Variants in MAGI2 observed in about 807,000 individuals in gnomAD.
The protein encoded by MAGI2 is membrane-associated guanylate kinase, WW and PDZ domain-containing protein 2.
A neutral mutation model predicts 133.3 loss-of-function variants in MAGI2; 35 were observed. The ratio of observed to expected loss-of-function variants is 0.26; its 90% CI spans 0.20 to 0.35. The LOEUF is 0.35. MAGI2 is among the 10% of genes least tolerant of loss of function. The pLI, the probability that MAGI2 is intolerant of heterozygous loss-of-function variation, is 1.00. For missense variants in MAGI2, 1,636 were observed against 1,863.4 expected (o/e 0.88, Z 2.25); for synonymous variants, 729 against 710.6 (o/e 1.03, Z -0.41).
At chr7:78,182,160 G>C (rs1827244398) in intron 13 of MAGI2, among the ~76,000 whole-genome samples, 2 of 152,282 alleles carry the variant, frequency 1.3e-5, no homozygotes, top group Non-Finnish European at 1.5e-5. Context: ...CTGCTGGAAA[G>C]AGCATCACTT....
At chr7:79,375,994 A>G (rs1028616861) in intron 1 of MAGI2, among the ~76,000 whole-genome samples, 1 of 151,918 alleles carries the variant, frequency 6.6e-6, no homozygotes, top group Non-Finnish European at 1.5e-5. Context: ...TGATTCTTTT[A>G]TATAGGTTAA....
intron 1 of MAGI2, among the ~76,000 whole-genome samples, chr7:79,112,864 G>T (rs1445739481): frequency 6.6e-6 from 1 of 151,862 alleles, no homozygotes; most frequent in Admixed American, 6.6e-5. Flanking sequence ...ACATTTTTTT[G>T]TCAAAACATT....
chr7:79,224,930 GA>G (rs1563015230), intron 1 of MAGI2, among the ~76,000 whole-genome samples: 2 of 152,140 alleles, frequency 1.3e-5, no homozygotes, highest in South Asian at 4.2e-4. Context: ...TCAAAGAACT[GA>G]ACACCACAAA....
intron 1 of MAGI2, among the ~76,000 whole-genome samples, chr7:79,303,031 G>A (rs1468753374): frequency 1.3e-5 from 2 of 152,124 alleles, no homozygotes; most frequent in African/African-American, 4.8e-5. Context: ...TTTCTTCAGA[G>A]TCCATTAAAT....
intron 10 of MAGI2, among the ~76,000 whole-genome samples, chr7:78,223,873 G>A (rs773042492): frequency 5.3e-5 from 8 of 152,074 alleles, no homozygotes; most frequent in Non-Finnish European, 1.2e-4. Flanking sequence ...CATCATTATT[G>A]TCTATTTTTA....
intron 2 of MAGI2, among the ~76,000 whole-genome samples, chr7:78,874,841 C>T (rs1302250085): frequency 2.0e-5 from 3 of 152,140 alleles, no homozygotes; most frequent in Non-Finnish European, 4.4e-5. Context: ...CTAATTTGAT[C>T]ATTACACATT....
At chr7:79,359,126 A>T (rs2129120085) in intron 1 of MAGI2, among the ~76,000 whole-genome samples, 1 of 152,322 alleles carries the variant, frequency 6.6e-6, no homozygotes, top group East Asian at 1.9e-4. Flanking sequence ...ACAAATGAAA[A>T]CATTAAAAAA....
intron 1 of MAGI2, among the ~76,000 whole-genome samples, chr7:79,426,481 T>C (rs1392246328): frequency 6.6e-6 from 1 of 152,192 alleles, no homozygotes; most frequent in East Asian, 1.9e-4. Context: ...ATAGAAATTA[T>C]GAAATTAAGA....
At chr7:78,271,811 T>C (rs772365311) in intron 9 of MAGI2, among the ~76,000 whole-genome samples, 30 of 152,190 alleles carry the variant, frequency 2.0e-4, no homozygotes, top group Non-Finnish European at 4.4e-4. Context: ...CCCTTTATCA[T>C]TTTTTATTGA....
At chr7:78,313,886 A>C (rs578167016) in intron 9 of MAGI2, among the ~76,000 whole-genome samples, 1 of 152,292 alleles carries the variant, frequency 6.6e-6, no homozygotes, top group South Asian at 2.1e-4. Context: ...AATTATAGGA[A>C]GAAAGTTTTG....
chr7:79,028,377 A>G (rs1238758904), intron 1 of MAGI2, among the ~76,000 whole-genome samples: 1 of 145,814 alleles, frequency 6.9e-6, no homozygotes, highest in Non-Finnish European at 1.5e-5. Context: ...ACACATGCAT[A>G]CGCATCTACA....
intron 1 of MAGI2, among the ~76,000 whole-genome samples, chr7:79,345,926 C>T (rs187174217): frequency 2.3e-4 from 35 of 152,054 alleles, no homozygotes; most frequent in Admixed American, 5.9e-4. Flanking sequence ...TGTGAAGAGG[C>T]GTATTAAATG....
At chr7:79,434,506 T>C (rs1355475454) in intron 1 of MAGI2, among the ~76,000 whole-genome samples, 2 of 152,212 alleles carry the variant, frequency 1.3e-5, no homozygotes, top group African/African-American at 4.8e-5. Context: ...TCGTTATGCC[T>C]GATTTTGGGG....
chr7:79,328,775 TTTC>T (rs71984171), intron 1 of MAGI2, among the ~76,000 whole-genome samples: 7,822 of 152,192 alleles, frequency 0.051, 638 homozygotes, highest in African/African-American at 0.18. Flanking sequence ...ATAGCTTAGT[TTTC>T]TTCTCTCTCT....
At chr7:78,436,174 A>G (rs1800270122) in intron 6 of MAGI2, among the ~76,000 whole-genome samples, 1 of 152,174 alleles carries the variant, frequency 6.6e-6, no homozygotes, top group African/African-American at 2.4e-5. Flanking sequence ...GCATTTGCTT[A>G]ATAGGCCCAC....
intron 4 of MAGI2, among the ~76,000 whole-genome samples, chr7:78,503,591 C>T (rs1176868221): frequency 4.1e-5 from 4 of 97,552 alleles, no homozygotes; most frequent in Non-Finnish European, 6.3e-5. Flanking sequence ...TCCTCCTCCT[C>T]CCCCTCCTCC....
chr7:78,128,569 A>AT (rs769651576), intron 18 of MAGI2, among the ~76,000 whole-genome samples: 242 of 145,228 alleles, frequency 1.7e-3, no homozygotes, highest in Admixed American at 3.2e-3. Context: ...AAGAGTCTGG[A>AT]TTTTTTTTTT....
intron 10 of MAGI2, among the ~76,000 whole-genome samples, chr7:78,229,924 G>T (rs1789789209): frequency 6.6e-6 from 1 of 152,190 alleles, no homozygotes. Flanking sequence ...CCAATATCTA[G>T]TAAACAGGGA....
chr7:79,147,054 A>G (rs1822710905), intron 1 of MAGI2, among the ~76,000 whole-genome samples: 1 of 152,214 alleles, frequency 6.6e-6, no homozygotes, highest in African/African-American at 2.4e-5. Context: ...CAGGTCTAAC[A>G]GTTACTACCC....
Sources: gnomAD v4.1 joint callset for allele counts (sites outside exome capture counted in the v4.1 genomes callset) on GRCh38, gnomAD v4.1.1 for gene constraint, MANE v1.5 for transcripts, NCBI Gene and HGNC (gene_info 2026-07-23, HGNC 2026-07-21) for gene names.